Variants in UNC13B observed in about 807,000 individuals in gnomAD.
The protein encoded by UNC13B is protein unc-13 homolog B.
In UNC13B, 144 loss-of-function variants were observed where a neutral mutation model predicts 211.0. The observed-to-expected ratio is 0.68, with a 90% confidence interval of 0.60 to 0.78. UNC13B has a LOEUF of 0.78. Among genes scored for constraint, UNC13B ranks in the 30% least tolerant of loss-of-function variants. The pLI, the probability that UNC13B is intolerant of heterozygous loss-of-function variation, is 0.00. For missense variants in UNC13B, 1,777 were observed against 2,002.0 expected (o/e 0.89, Z 2.14); for synonymous variants, 709 against 725.8 (o/e 0.98, Z 0.37).
intron 37 of UNC13B, 45 bp downstream of exon 37, chr9:35,400,488 C>T (rs1368054263): frequency 4.4e-6 from 7 of 1,586,852 alleles, no homozygotes; most frequent in Non-Finnish European, 6.0e-6. Context: ...CTCTCTGATA[C>T]ACATCTTCCC....
chr9:35,238,530 C>T (rs1207415239), intron 5 of UNC13B, among the ~76,000 whole-genome samples: 1 of 151,898 alleles, frequency 6.6e-6, no homozygotes, highest in Non-Finnish European at 1.5e-5. Flanking sequence ...TTCATCTGAA[C>T]AGATGCCTCT....
chr9:35,334,602 G>T (rs1020765545), intron 11 of UNC13B, among the ~76,000 whole-genome samples: 2 of 152,130 alleles, frequency 1.3e-5, no homozygotes, highest in Non-Finnish European at 2.9e-5. Context: ...GGCTTTCTAC[G>T]TGTATTTTCC....
chr9:35,306,885 T>C lies in UNC13B; in HGVS notation c.7481T>C (p.Phe2494Ser), dbSNP rs570719623. ...CCTAAATCTCCAAAGAAAAACTCCT[T>C]TTTCTCTCTTGCTTCTGATGTATCA... ...SSPKSPKKNS[F>S]FSLASDVSSQ... The change falls in exon 9 of 40, where the codon TTT becomes TCT. Residue 2494 changes from phenylalanine to serine, a missense_variant. Coordinates refer to ENST00000635942, the MANE Select transcript of UNC13B (RefSeq NM_001371189.2). 9 of 399,030 alleles carry C rather than the reference T, an allele frequency of 2.3e-5. No individual in the cohort carries two copies. Among genetic ancestry groups the C allele is most frequent in the African/African-American group, 1.8e-4 (9 of 48,762 alleles). The allele number at this position is 399,030 out of a possible 1,614,324, so 24.7% of individuals were successfully genotyped here.
At chr9:35,219,440 G>A (rs1419988680) in intron 1 of UNC13B, among the ~76,000 whole-genome samples, 3 of 151,936 alleles carry the variant, frequency 2.0e-5, no homozygotes, top group Admixed American at 2.0e-4. Flanking sequence ...TTCCAACAGT[G>A]GGTATTTGAA....
chr9:35,165,672 C>T (rs938909232), intron 1 of UNC13B, among the ~76,000 whole-genome samples: 15 of 152,244 alleles, frequency 9.9e-5, no homozygotes, highest in Admixed American at 9.8e-4. Context: ...CCACCTCGGC[C>T]TCCCAAAGTG....
At position 35,177,787 on chromosome 9, in the gene UNC13B, C is replaced by T. The variant is rs376077880; in HGVS notation, c.22+15482C>T. 3.3e-5 allele frequency among the ~76,000 whole-genome samples: 5 copies of T among 152,162 alleles called. No homozygotes were observed. The South Asian group carries it at 8.3e-4, about 25-fold the overall frequency. On this transcript the variant is annotated intron_variant, in intron 1 of 39. Transcript: ENST00000635942. Reference sequence around the variant, plus strand: ...ATTGAGGGCAAAGAAAGGGTGACAGCCATGTGTACAGCTAAGCATGATGCA... The same window carrying T: ...ATTGAGGGCAAAGAAAGGGTGACAGTCATGTGTACAGCTAAGCATGATGCA...
At chr9:35,312,520 G>A (rs1192656015) in intron 10 of UNC13B, among the ~76,000 whole-genome samples, 2 of 152,216 alleles carry the variant, frequency 1.3e-5, no homozygotes, top group African/African-American at 4.8e-5. Flanking sequence ...AGAAGCAGAA[G>A]TGCCCAGCAC....
At chr9:35,319,445 AG>A (rs1830629753) in intron 11 of UNC13B, among the ~76,000 whole-genome samples, 1 of 143,236 alleles carries the variant, frequency 7.0e-6, no homozygotes, top group Admixed American at 7.1e-5. Context: ...AATTAGATAC[AG>A]GGGATACCTG....
intron 1 of UNC13B, among the ~76,000 whole-genome samples, chr9:35,223,822 T>G (rs1212542122): frequency 6.6e-6 from 1 of 152,222 alleles, no homozygotes; most frequent in Non-Finnish European, 1.5e-5. Flanking sequence ...GAATTCATTT[T>G]GAGTTGATTT....
chr9:35,212,988 C>T (rs566730172), intron 1 of UNC13B, among the ~76,000 whole-genome samples: 1 of 152,304 alleles, frequency 6.6e-6, no homozygotes, highest in South Asian at 2.1e-4. Context: ...AGGTTTCTCA[C>T]CTGCAAAATG....
chr9:35,329,650 G>A (rs151067252), intron 11 of UNC13B, among the ~76,000 whole-genome samples: 76 of 152,008 alleles, frequency 5.0e-4, no homozygotes, highest in African/African-American at 1.8e-3. Flanking sequence ...ACTATGCCCA[G>A]CTAATTTTTT....
intron 11 of UNC13B, among the ~76,000 whole-genome samples, chr9:35,359,263 C>T (rs1833238510): frequency 6.6e-6 from 1 of 152,054 alleles, no homozygotes; most frequent in African/African-American, 2.4e-5. Flanking sequence ...TCCAGAACAC[C>T]TCTCTGTCTT....
At chr9:35,254,842 G>A (rs1826726842) in intron 6 of UNC13B, among the ~76,000 whole-genome samples, 3 of 139,410 alleles carry the variant, frequency 2.2e-5, no homozygotes, top group Non-Finnish European at 3.0e-5. Flanking sequence ...TAGTCCTTAC[G>A]CTTTTTCTAA....
At chr9:35,235,227 T>C (rs1272239471) in intron 3 of UNC13B, among the ~76,000 whole-genome samples, 3 of 152,198 alleles carry the variant, frequency 2.0e-5, no homozygotes, top group Non-Finnish European at 4.4e-5. Context: ...GTTATTATTA[T>C]AGGAAAATCA....
intron 7 of UNC13B, among the ~76,000 whole-genome samples, chr9:35,271,857 T>G (rs767430169): frequency 9.2e-5 from 14 of 152,234 alleles, no homozygotes; most frequent in South Asian, 8.3e-4. Flanking sequence ...ATCAAAACCA[T>G]CCTGGCCAAC....
chr9:35,375,249 G>T (rs751419708), intron 14 of UNC13B, 48 bp downstream of exon 14: 1 of 1,574,904 alleles, frequency 6.3e-7, no homozygotes, highest in South Asian at 1.1e-5. Flanking sequence ...CAGGACTGGT[G>T]ATCATCTCTG....
At position 35,377,517 on chromosome 9, in the gene UNC13B, C is replaced by T; in HGVS notation, c.9885C>T (p.Asn3295=). 1 of 1,614,240 alleles carries T rather than the reference C, an allele frequency of 6.2e-7. No homozygotes were observed. Residue 3295 remains asparagine (N), a synonymous_variant, in exon 16 of 40, where the codon AAC becomes AAT. Coordinates refer to ENST00000635942, the MANE Select transcript of UNC13B (RefSeq NM_001371189.2). ...CKHGAEDRTQ[N]IIMAMKDRMK... is the part of the protein sequence containing the mutation. ...ATGGAGCTGAGGACCGGACCCAGAA[C>T]ATTATCATGGCCATGAAGGACCGCA...
chr9:35,313,924 C>T lies in UNC13B; in HGVS notation c.9349C>T (p.Pro3117Ser), dbSNP rs762891742. The T allele has an allele frequency of 1.9e-5, 31 of 1,613,868 alleles. No individual in the cohort carries two copies. The Middle Eastern group carries it at 8.3e-4, about 43-fold the overall frequency. Residue 3117 changes from proline to serine, a missense_variant, in exon 11 of 40, where the codon CCA (proline) becomes TCA (serine). Pro to Ser is a moderately conservative substitution (Grantham distance 74, BLOSUM62 -1). Coordinates refer to ENST00000635942, the MANE Select transcript of UNC13B (RefSeq NM_001371189.2). ...TTTTCCTGAGGAGAATGCATCTTCACCATTTACCCAAGCCAGAGCACATTG... is the reference window on the plus strand; with the variant it reads ...TTTTCCTGAGGAGAATGCATCTTCATCATTTACCCAAGCCAGAGCACATTG... ...ESFPEENASS[P>S]FTQARAHWIR...
Position 35,188,756 on chromosome 9 carries a change from T to G in UNC13B, c.22+26451T>G, listed in dbSNP as rs531990791. 3.3e-5 allele frequency among the ~76,000 whole-genome samples: 5 copies of G among 152,336 alleles called. No individual in the cohort carries two copies. In the East Asian group the frequency reaches 9.6e-4, roughly 29 times the overall value. On this transcript the variant is annotated intron_variant, in intron 1 of 39. Coordinates refer to ENST00000635942, the MANE Select transcript of UNC13B (RefSeq NM_001371189.2). ...AAAATGACTCAAAAGGCAAAAACCTTCTATTAACCTTTACTATTACATGAA... is the reference window on the plus strand; with the variant it reads ...AAAATGACTCAAAAGGCAAAAACCTGCTATTAACCTTTACTATTACATGAA...
Sources: gnomAD v4.1 joint callset for allele counts (sites outside exome capture counted in the v4.1 genomes callset) on GRCh38, gnomAD v4.1.1 for gene constraint, MANE v1.5 for transcripts, NCBI Gene and HGNC (gene_info 2026-07-23, HGNC 2026-07-21) for gene names.